Variants in PDE3B observed in about 807,000 individuals in gnomAD.
The protein encoded by PDE3B is cGMP-inhibited 3',5'-cyclic phosphodiesterase 3B.
Under a neutral mutation model 116.8 loss-of-function variants are expected in PDE3B, and 66 were observed. The ratio of observed to expected loss-of-function variants is 0.56; its 90% CI spans 0.46 to 0.69. The LOEUF (loss-of-function observed/expected upper bound fraction) is 0.69, where lower values mean the gene tolerates loss of function less well. Among genes scored for constraint, PDE3B ranks in the 30% least tolerant of loss-of-function variants. PDE3B has a pLI of 0.00. For missense variants in PDE3B, 1,384 were observed against 1,368.1 expected, an observed-to-expected ratio of 1.01 and a Z score of -0.18; for synonymous variants, 595 against 533.6, an observed-to-expected ratio of 1.12 and a Z score of -1.59.
chr11:14,827,239 T>TGTG (rs2133958629), intron 7 of PDE3B, among the ~76,000 whole-genome samples: 1 of 152,242 alleles, frequency 6.6e-6, no homozygotes, highest in East Asian at 1.9e-4. Flanking sequence ...GCTGGAAGCA[T>TGTG]TCCCCTTGAA....
intron 15 of PDE3B, 51 bp downstream of exon 15, chr11:14,867,809 C>A: frequency 1.4e-6 from 2 of 1,478,126 alleles, no homozygotes; most frequent in Non-Finnish European, 1.8e-6. Flanking sequence ...GTTGAGTATT[C>A]CAAGTCTGAA....
chr11:14,856,808 C>T (rs1397894136), intron 12 of PDE3B, among the ~76,000 whole-genome samples: 3 of 150,416 alleles, frequency 2.0e-5, no homozygotes, highest in African/African-American at 4.9e-5. Context: ...GAGCTGAGAT[C>T]GCGCCACTGC....
In PDE3B at chr11:14,833,197, C is replaced by T. The variant is rs1018190428; in HGVS notation, c.2206+364C>T. On this transcript the variant is annotated intron_variant, in intron 10 of 15. Coordinates refer to ENST00000282096, the MANE Select transcript of PDE3B (RefSeq NM_000922.4). Reference sequence around the variant, plus strand: ...TGAACTCCTGACCTCTGGTGATCCACCTGCCTTGGCCTCCCAAAGTGCTGC... The same window carrying T: ...TGAACTCCTGACCTCTGGTGATCCATCTGCCTTGGCCTCCCAAAGTGCTGC... Among the ~76,000 whole-genome samples, 3 of 152,246 alleles carry T rather than the reference C, an allele frequency of 2.0e-5. No individual in the cohort carries two copies. In the East Asian group the frequency reaches 5.8e-4, roughly 29 times the overall value.
chr11:14,737,448 T>C (rs1378706715), intron 1 of PDE3B, among the ~76,000 whole-genome samples: 2 of 152,174 alleles, frequency 1.3e-5, no homozygotes, highest in Non-Finnish European at 2.9e-5. Flanking sequence ...TCCGCCAGCC[T>C]TGGCCTCCCA....
intron 12 of PDE3B, among the ~76,000 whole-genome samples, chr11:14,857,899 T>C (rs1847878760): frequency 6.6e-6 from 1 of 152,350 alleles, no homozygotes; most frequent in South Asian, 2.1e-4. Context: ...CAAATCATTA[T>C]TAAATGTAAA....
intron 1 of PDE3B, among the ~76,000 whole-genome samples, chr11:14,691,641 T>G (rs1478628333): frequency 1.3e-5 from 2 of 152,150 alleles, no homozygotes; most frequent in Non-Finnish European, 2.9e-5. Context: ...GATAGAGCAG[T>G]GAACAACACA....
At chr11:14,790,206 C>T (rs1858340288) in intron 4 of PDE3B, among the ~76,000 whole-genome samples, 1 of 151,850 alleles carries the variant, frequency 6.6e-6, no homozygotes, top group African/African-American at 2.4e-5. Flanking sequence ...CAGGTGAACT[C>T]CTTTTTTGTA....
chr11:14,841,521 C>T (rs1470920224), intron 11 of PDE3B, among the ~76,000 whole-genome samples: 1 of 149,784 alleles, frequency 6.7e-6, no homozygotes, highest in Non-Finnish European at 1.5e-5. Context: ...TCCCTATGAA[C>T]TCCAGTTCTT....
At chr11:14,826,952 A>T (rs922374764) in intron 7 of PDE3B, among the ~76,000 whole-genome samples, 8 of 152,182 alleles carry the variant, frequency 5.3e-5, no homozygotes, top group Non-Finnish European at 1.0e-4. Context: ...TCAGCAGCAC[A>T]TCTAAAAGGC....
At chr11:14,890,538 T>TC in the PDE3B span, 2 of 109,768 alleles carry the variant, frequency 1.8e-5, no homozygotes, top group Non-Finnish European at 1.2e-5. Flanking sequence ...AGACCAATTC[T>TC]TTTTTTTTTT....
At chr11:14,764,363 T>G (rs1857439098) in intron 1 of PDE3B, among the ~76,000 whole-genome samples, 1 of 152,056 alleles carries the variant, frequency 6.6e-6, no homozygotes, top group Non-Finnish European at 1.5e-5. Flanking sequence ...AATATAGGGT[T>G]CACTCTCCCT....
chr11:14,844,206 A>G (rs1847538043), intron 12 of PDE3B, among the ~76,000 whole-genome samples, 180 bp downstream of exon 12: 1 of 152,206 alleles, frequency 6.6e-6, no homozygotes, highest in South Asian at 2.1e-4. Context: ...AAATTAGGGG[A>G]AGAATCAACT....
chr11:14,666,684 T>A (rs894890835), intron 1 of PDE3B, among the ~76,000 whole-genome samples: 2 of 150,780 alleles, frequency 1.3e-5, no homozygotes, highest in Non-Finnish European at 3.0e-5. Context: ...CATGAAAAAA[T>A]GCTCATCATC....
At chr11:14,654,460 C>T (rs926156771) in intron 1 of PDE3B, among the ~76,000 whole-genome samples, 2 of 151,960 alleles carry the variant, frequency 1.3e-5, no homozygotes, top group Non-Finnish European at 2.9e-5. Context: ...AAAACTATCT[C>T]CCTAGGAAAA....
At chr11:14,664,562 C>G (rs908464289) in intron 1 of PDE3B, among the ~76,000 whole-genome samples, 1 of 152,010 alleles carries the variant, frequency 6.6e-6, no homozygotes, top group Non-Finnish European at 1.5e-5. Context: ...CAAATAGACA[C>G]AATAAAAAAT....
chr11:14,832,923 A>C, intron 10 of PDE3B, 90 bp downstream of exon 10: 1 of 608,332 alleles, frequency 1.6e-6, no homozygotes, highest in Non-Finnish European at 2.9e-6. Flanking sequence ...TCCCTTAAAC[A>C]CTTTTAAAAC....
At chr11:14,792,091 C>G (rs533788959) in intron 4 of PDE3B, among the ~76,000 whole-genome samples, 2 of 152,174 alleles carry the variant, frequency 1.3e-5, no homozygotes, top group South Asian at 4.1e-4. Context: ...TTTTTGGACT[C>G]TTTACCAGTC....
At chr11:14,723,511 T>C (rs978232902) in intron 1 of PDE3B, among the ~76,000 whole-genome samples, 2 of 152,088 alleles carry the variant, frequency 1.3e-5, no homozygotes, top group African/African-American at 4.8e-5. Flanking sequence ...TCTAGCAATT[T>C]TGGAGGCTAA....
intron 1 of PDE3B, among the ~76,000 whole-genome samples, chr11:14,723,288 G>A (rs977887242): frequency 1.3e-5 from 2 of 152,186 alleles, no homozygotes; most frequent in African/African-American, 4.8e-5. Flanking sequence ...ACATCTGAGG[G>A]ATTCTTAAAT....
Sources: allele counts gnomAD v4.1 joint callset (sites outside exome capture counted in the v4.1 genomes callset), GRCh38; gene constraint gnomAD v4.1.1; transcripts MANE v1.5; gene names NCBI Gene and HGNC (gene_info 2026-07-23, HGNC 2026-07-21).